ZFP42: variants seen among roughly 807,000 people sequenced by gnomAD.
The protein encoded by ZFP42 is zinc finger protein 42 homolog.
For missense variants in ZFP42, 438 were observed against 377.1 expected, an observed-to-expected ratio of 1.16 and a Z score of -1.34; for synonymous variants, 175 against 144.6, an observed-to-expected ratio of 1.21 and a Z score of -1.51.
intron 1 of ZFP42, among the ~76,000 whole-genome samples, chr4:187,997,228 C>CATTTTTTTTTTTTTTTTTTTTT (rs1733629784): frequency 1.7e-5 from 1 of 60,030 alleles, no homozygotes; most frequent in Non-Finnish European, 2.7e-5. Flanking sequence ...CTCTCATATT[C>CATTTTTTTTTTTTTTTTTTTTT]TTTTTTTTTT....
In ZFP42 at chr4:188,003,577, C is replaced by T; in HGVS notation, c.770C>T (p.Ser257Phe). ...TTTGAAGGGTGCGGAAAGCGCTTCT[C>T]TCTGGACTTTAATTTGCGTACGCAC... Reference protein sequence around the residue: ...CTFEGCGKRFSLDFNLRTHVR... With the variant: ...CTFEGCGKRFFLDFNLRTHVR... Residue 257 changes from serine (S) to phenylalanine (F), a missense_variant, in exon 4 of 4, where the codon TCT becomes TTT. By Grantham distance (155) the Ser-to-Phe change is radical. Coordinates refer to ENST00000326866, the MANE Select transcript of ZFP42 (RefSeq NM_174900.5). 6.2e-7 allele frequency: 1 copy of T among 1,613,540 alleles called. No individual in the cohort carries two copies. Among genetic ancestry groups the T allele is most frequent in the African/African-American group, 1.3e-5 (1 of 75,060 alleles).
chr4:188,001,654 G>C (rs929330777), intron 3 of ZFP42, among the ~76,000 whole-genome samples: 56 of 152,350 alleles, frequency 3.7e-4, no homozygotes, highest in African/African-American at 1.3e-3. Flanking sequence ...AGTTTCAACA[G>C]ACACCACAGG....
At position 188,003,935 on chromosome 4, in the gene ZFP42, G is replaced by T. The variant is rs946741218; in HGVS notation, c.*195G>T. 5.4e-5 allele frequency: 29 copies of T among 534,286 alleles called. No homozygotes were observed. Among genetic ancestry groups the T allele is most frequent in the Non-Finnish European group, 8.2e-5 (25 of 306,044 alleles). The allele number at this position is 534,286 out of a possible 1,614,324, so 33.1% of individuals were successfully genotyped here. On this transcript the variant is annotated 3_prime_UTR_variant, in exon 4 of 4. Coordinates refer to ENST00000326866, the MANE Select transcript of ZFP42 (RefSeq NM_174900.5). ...TGGTGCATTTTTTTTTCTTTTATTT[G>T]TTTTATTTAGAACTTTTTTTATTTG...
intron 1 of ZFP42, among the ~76,000 whole-genome samples, chr4:187,996,987 G>GGGAGCCT (rs1553987574): frequency 6.8e-5 from 4 of 58,912 alleles, no homozygotes; most frequent in Admixed American, 1.7e-4. Context: ...CATAGCTGTA[G>GGGAGCCT]GGAGCATGGA....
chr4:188,002,703 C>A lies in ZFP42; in HGVS notation c.-95-10C>A, dbSNP rs1287623005. Reference sequence around the variant, plus strand: ...ATCTATTTTAACTAAAGGTTATTATCATAAAGCAGGTGTTTGCTGAAGACA... The same window carrying A: ...ATCTATTTTAACTAAAGGTTATTATAATAAAGCAGGTGTTTGCTGAAGACA... On this transcript the variant is annotated splice_polypyrimidine_tract_variant and intron_variant, in intron 3 of 3. Coordinates refer to ENST00000326866, the MANE Select transcript of ZFP42 (RefSeq NM_174900.5). 7.7e-6 allele frequency: 7 copies of A among 909,432 alleles called. No homozygotes were observed. Among genetic ancestry groups the A allele is most frequent in the Middle Eastern group, 2.4e-4 (1 of 4,182 alleles). The allele number at this position is 909,432 out of a possible 1,614,324, so 56.3% of individuals were successfully genotyped here. A position where few individuals can be genotyped will look rare whatever the true frequency, so the allele number is the denominator to read the frequency against.
At chr4:188,001,246 T>C (rs529187824) in intron 3 of ZFP42, among the ~76,000 whole-genome samples, 3 of 152,130 alleles carry the variant, frequency 2.0e-5, no homozygotes, top group Admixed American at 6.6e-5. Context: ...TAAAGGCATA[T>C]AATTTTTCTT....
chr4:187,998,314 C>T (rs1733681984), intron 1 of ZFP42, among the ~76,000 whole-genome samples: 1 of 150,660 alleles, frequency 6.6e-6, no homozygotes, highest in African/African-American at 2.4e-5. Flanking sequence ...CCAGCCTGGG[C>T]AACAAGAGGG....
chr4:188,003,356 C>T lies in ZFP42; in HGVS notation c.549C>T (p.Asp183=). ...RKKPPINKEY[D]SLSAIACPQS... ...AGCCCCCCATAAATAAAGAATATGA[C>T]AGTCTGAGCGCAATCGCTTGTCCTC... The change falls in exon 4 of 4, where the codon GAC becomes GAT. Residue 183 remains aspartate, a synonymous_variant. Coordinates refer to ENST00000326866, the MANE Select transcript of ZFP42 (RefSeq NM_174900.5). 3 of 1,614,054 alleles carry T rather than the reference C, an allele frequency of 1.9e-6. 1 individual carries two copies.
At chr4:188,002,624 T>C (rs947770536) in intron 3 of ZFP42, 89 bp from the exon 4 acceptor site, 1 of 605,292 alleles carries the variant, frequency 1.7e-6, no homozygotes, top group Non-Finnish European at 3.0e-6. Flanking sequence ...AAGACAAATG[T>C]ATTATTGGAA....
intron 1 of ZFP42, among the ~76,000 whole-genome samples, chr4:187,997,517 G>A (rs2111173903): frequency 6.6e-6 from 1 of 151,758 alleles, no homozygotes; most frequent in Admixed American, 6.6e-5. Flanking sequence ...GTGAGCCACC[G>A]CTCCCGGTCC....
At position 188,004,904 on chromosome 4, in the gene ZFP42, CTG is replaced by C. The variant is rs1733996643; in HGVS notation, c.*1166_*1167del. 5 of 167,206 alleles carry C rather than the reference CTG, an allele frequency of 3.0e-5. No individual in the cohort carries two copies. The South Asian group carries it at 8.3e-4, about 28-fold the overall frequency. The allele number at this position is 167,206 out of a possible 1,614,324, so 10.4% of individuals were successfully genotyped here. On this transcript the variant is annotated 3_prime_UTR_variant, in exon 4 of 4. Transcript: ENST00000326866. ...GTAGTTAAATATTCCTTAAAGTCAA[CTG>C]TATTTCATTGTGATTTTTGTTTTCT... is the stretch of plus-strand genomic sequence containing the variant.
rs1733999786 is a variant in ZFP42, at chr4:188,004,999, A to G, written c.*1259A>G. 6.0e-6 allele frequency: 1 copy of G among 167,090 alleles called. No homozygotes were observed. Among genetic ancestry groups the G allele is most frequent in the South Asian group, 2.1e-4 (1 of 4,834 alleles). 10.4% of individuals were successfully genotyped at this position (167,090 alleles called of 1,614,324 possible). The stretch of plus-strand genomic sequence containing the variant: ...TGTGATTATTTGATAATGTTAGTCC[A>G]TTTGAATCCATTTTAGATATTTCAC... On this transcript the variant is annotated 3_prime_UTR_variant, in exon 4 of 4. Coordinates refer to ENST00000326866, the MANE Select transcript of ZFP42 (RefSeq NM_174900.5).
At position 188,003,597 on chromosome 4, in the gene ZFP42, A is replaced by G. The variant is rs368067229; in HGVS notation, c.790A>G (p.Thr264Ala). 7 of 1,613,492 alleles carry G rather than the reference A, an allele frequency of 4.3e-6. No homozygotes were observed. The highest frequency in any genetic ancestry group is 5.9e-6 in the Non-Finnish European group (7 of 1,180,030). ...CTTCTCTCTGGACTTTAATTTGCGTACGCACGTGCGCATCCACACGGGGGA... is the reference window on the plus strand; with the variant it reads ...CTTCTCTCTGGACTTTAATTTGCGTGCGCACGTGCGCATCCACACGGGGGA... The part of the protein sequence containing the change: ...KRFSLDFNLR[T>A]HVRIHTGEKR... Residue 264 changes from threonine (T) to alanine (A), a missense_variant, in exon 4 of 4, where the codon ACG becomes GCG. Transcript: ENST00000326866.
At position 188,002,727 on chromosome 4, in the gene ZFP42, C is replaced by A. The variant is rs914815902; in HGVS notation, c.-81C>A. On this transcript the variant is annotated 5_prime_UTR_variant, in exon 4 of 4. Coordinates refer to ENST00000326866, the MANE Select transcript of ZFP42 (RefSeq NM_174900.5). ...TCATAAAGCAGGTGTTTGCTGAAGA[C>A]AGCTTACTCAGATCACTACTGCCTG... The A allele has an allele frequency of 1.0e-5, 12 of 1,184,664 alleles. 1 individual carries two copies. The highest frequency in any genetic ancestry group is 3.1e-5 in the African/African-American group (2 of 65,002). The allele number at this position is 1,184,664 out of a possible 1,614,324, so 73.4% of individuals were successfully genotyped here.
intron 1 of ZFP42, among the ~76,000 whole-genome samples, chr4:187,998,475 T>G (rs1325827270): frequency 6.6e-6 from 1 of 152,214 alleles, no homozygotes. Context: ...TACAGTTGTG[T>G]ACAGTGGCGT....
chr4:188,000,161 A>G lies in ZFP42; in HGVS notation c.-96+476A>G, dbSNP rs546279888. ...AAAATTCAAAATCCAAAATGGTCCA[A>G]TGAGAATTTCCTTTAAGTGTCATGA... On this transcript the variant is annotated intron_variant, in intron 3 of 3. Coordinates refer to ENST00000326866, the MANE Select transcript of ZFP42 (RefSeq NM_174900.5). Among the ~76,000 whole-genome samples, 17 of 152,306 alleles carry G rather than the reference A, an allele frequency of 1.1e-4. No individual in the cohort carries two copies. In the East Asian group the frequency reaches 3.1e-3, roughly 28 times the overall value.
At position 188,003,722 on chromosome 4, in the gene ZFP42, T is replaced by TTTGTTTTATTTA; in HGVS notation, c.915_916insTTGTTTTATTTA (p.Asn305_Glu306insLeuPheTyrLeu). 6.2e-7 allele frequency: 1 copy of TTTGTTTTATTTA among 1,610,246 alleles called. No individual in the cohort carries two copies. ...TAACGCATGCAAATACGAACAAGAATGAACAAGAGGGAAAGTAGTCCTCCA... is the reference window on the plus strand; with the variant it reads ...TAACGCATGCAAATACGAACAAGAATTTGTTTTATTTAGAACAAGAGGGAAAGTAGTCCTCCA... On this transcript the variant is annotated inframe_insertion, in exon 4 of 4. Transcript: ENST00000326866.
chr4:188,003,511 A>G lies in ZFP42; in HGVS notation c.704A>G (p.His235Arg). The G allele has an allele frequency of 1.2e-6, 2 of 1,613,750 alleles. No individual in the cohort carries two copies. The highest frequency in any genetic ancestry group is 1.7e-6 in the Non-Finnish European group (2 of 1,180,028). Residue 235 changes from histidine (H) to arginine (R), a missense_variant, in exon 4 of 4, where the codon CAT becomes CGT. His to Arg is a conservative substitution (Grantham distance 29). Transcript: ENST00000326866. ...AFVESSKLKR[H>R]FLVHTGEKPF... ...GTTGAGAGCTCAAAACTAAAGAGAC[A>G]TTTCCTGGTTCATACTGGAGAGAAG...
chr4:188,003,504 AAG>A lies in ZFP42; in HGVS notation c.701_702del (p.Arg234ThrfsTer16), dbSNP rs779464123. 1 of 1,613,752 alleles carries A rather than the reference AAG, an allele frequency of 6.2e-7. No homozygotes were observed. Among genetic ancestry groups the A allele is most frequent in the Non-Finnish European group, 8.5e-7 (1 of 1,179,996 alleles). ...AGCGTTCGTTGAGAGCTCAAAACTA[AAG>A]AGACATTTCCTGGTTCATACTGGAG... ...GKAFVESSKLKRHFLVHTGEK... is the reference protein window; with the variant it reads ...GKAFVESSKLXRHFLVHTGEK... On this transcript the variant is annotated frameshift_variant, in exon 4 of 4. Coordinates refer to ENST00000326866, the MANE Select transcript of ZFP42 (RefSeq NM_174900.5). LOFTEE classifies it low-confidence loss of function (END_TRUNC).
Sources: allele counts gnomAD v4.1 joint callset (sites outside exome capture counted in the v4.1 genomes callset), GRCh38; gene constraint gnomAD v4.1.1; transcripts MANE v1.5; gene names NCBI Gene and HGNC (gene_info 2026-07-23, HGNC 2026-07-21).